The following TMEM178A variants were observed in gnomAD, a reference collection of about 807,000 sequenced individuals.
The protein encoded by TMEM178A is transmembrane protein 178A.
Under a neutral mutation model 29.1 loss-of-function variants are expected in TMEM178A, and 12 were observed. That is an observed-to-expected ratio of 0.41 (90% CI 0.26 to 0.67). The LOEUF (loss-of-function observed/expected upper bound fraction) is 0.67. Ranked by LOEUF, TMEM178A falls within the 30% of genes least tolerant of loss-of-function variation. TMEM178A has a pLI of 0.29. For synonymous variants in TMEM178A, 210 were observed against 187.2 expected (o/e 1.12, Z -0.99); for missense variants, 366 against 419.1 (o/e 0.87, Z 1.11).
At chr2:39,706,180 G>C (rs1030649354) in intron 2 of TMEM178A, among the ~76,000 whole-genome samples, 1 of 152,166 alleles carries the variant, frequency 6.6e-6, no homozygotes, top group Admixed American at 6.5e-5. Flanking sequence ...AGGCATGTGG[G>C]GAAAGAGCTG....
chr2:39,715,901 C>T (rs189938656), intron 3 of TMEM178A, among the ~76,000 whole-genome samples: 4 of 152,098 alleles, frequency 2.6e-5, no homozygotes, highest in Admixed American at 2.6e-4. Flanking sequence ...GGGTAGAGGG[C>T]GGGGAGCTTT....
At chr2:39,711,823 T>C (rs1672315087) in intron 3 of TMEM178A, among the ~76,000 whole-genome samples, 2 of 152,138 alleles carry the variant, frequency 1.3e-5, no homozygotes, top group African/African-American at 4.8e-5. Context: ...ACGGTGCATA[T>C]ATCCTGTGTT....
intron 3 of TMEM178A, among the ~76,000 whole-genome samples, chr2:39,712,588 A>G (rs968113769): frequency 2.6e-5 from 4 of 152,168 alleles, no homozygotes; most frequent in Non-Finnish European, 5.9e-5. Flanking sequence ...AGGGCTTGTC[A>G]GGAAACCAGT....
At chr2:39,725,270 GA>G in the TMEM178A span, among the ~76,000 whole-genome samples, 8 of 152,100 alleles carry the variant, frequency 5.3e-5, no homozygotes, top group Non-Finnish European at 1.0e-4. Context: ...AGATGAGTAA[GA>G]ATACAATGAG....
At chr2:39,681,605 A>G (rs924094728) in intron 1 of TMEM178A, among the ~76,000 whole-genome samples, 1 of 151,892 alleles carries the variant, frequency 6.6e-6, no homozygotes, top group Non-Finnish European at 1.5e-5. Context: ...ATTTTTTTTT[A>G]TTCTGTTGGG....
downstream of TMEM178A, among the ~76,000 whole-genome samples, chr2:39,718,396 G>T (rs1572702841): frequency 6.6e-6 from 1 of 152,270 alleles, no homozygotes; most frequent in East Asian, 1.9e-4. Flanking sequence ...CCTCACCCCA[G>T]ACCAATTAAC....
At chr2:39,684,523 T>A (rs1039421543) in intron 1 of TMEM178A, among the ~76,000 whole-genome samples, 4 of 152,250 alleles carry the variant, frequency 2.6e-5, no homozygotes, top group African/African-American at 9.6e-5. Context: ...TCATTTTTAA[T>A]ATCTGCAAAG....
At chr2:39,669,684 A>G (rs538290498) in intron 1 of TMEM178A, among the ~76,000 whole-genome samples, 1 of 152,348 alleles carries the variant, frequency 6.6e-6, no homozygotes, top group South Asian at 2.1e-4. Context: ...TTGCTATTCT[A>G]CCAGACTGAC....
the TMEM178A span, among the ~76,000 whole-genome samples, chr2:39,732,176 T>A: frequency 2.0e-4 from 30 of 152,194 alleles, no homozygotes; most frequent in Non-Finnish European, 4.1e-4. Context: ...GGAGGAGAAC[T>A]TCCCCACTTT....
intron 1 of TMEM178A, among the ~76,000 whole-genome samples, chr2:39,666,666 C>G (rs951575845): frequency 2.0e-5 from 3 of 152,188 alleles, no homozygotes; most frequent in Non-Finnish European, 4.4e-5. Context: ...GCCTCCCATT[C>G]CCCGGTTCTC....
At chr2:39,675,840 C>T (rs989936485) in intron 1 of TMEM178A, among the ~76,000 whole-genome samples, 9 of 152,040 alleles carry the variant, frequency 5.9e-5, no homozygotes, top group Non-Finnish European at 1.0e-4. Context: ...AGTGCAGTGG[C>T]GCGGTCATAC....
chr2:39,711,979 A>T (rs1429933035), intron 3 of TMEM178A, among the ~76,000 whole-genome samples: 1 of 151,664 alleles, frequency 6.6e-6, no homozygotes, highest in Non-Finnish European at 1.5e-5. Context: ...ATTTGCCACT[A>T]CAGAGATTGC....
chr2:39,703,732 G>C (rs1671897264), intron 1 of TMEM178A, among the ~76,000 whole-genome samples: 1 of 152,194 alleles, frequency 6.6e-6, no homozygotes, highest in Non-Finnish European at 1.5e-5. Flanking sequence ...GACTGGATCA[G>C]ATCCAGATGT....
chr2:39,687,214 T>C (rs1671118033), intron 1 of TMEM178A: 1 of 166,510 alleles, frequency 6.0e-6, no homozygotes, highest in Non-Finnish European at 1.5e-5. Flanking sequence ...TGGCTATTCA[T>C]ATTTTAGGGT....
intron 1 of TMEM178A, among the ~76,000 whole-genome samples, chr2:39,677,668 C>A (rs1670686213): frequency 6.6e-6 from 1 of 151,978 alleles, no homozygotes; most frequent in Non-Finnish European, 1.5e-5. Context: ...GTGGGATGGA[C>A]CCTGGTCATC....
chr2:39,696,449 C>T (rs1027118343), intron 1 of TMEM178A, among the ~76,000 whole-genome samples: 5 of 152,166 alleles, frequency 3.3e-5, no homozygotes, highest in Non-Finnish European at 7.3e-5. Flanking sequence ...CAGTGGGCCA[C>T]ACATCCTATG....
At position 39,707,158 on chromosome 2, in the gene TMEM178A, C is replaced by T. The variant is rs377174385; in HGVS notation, c.624C>T (p.His208=). The change falls in exon 3 of 4, where the codon CAC becomes CAT. Residue 208 remains histidine (H), a synonymous_variant. Coordinates refer to ENST00000281961, the MANE Select transcript of TMEM178A (RefSeq NM_152390.3). ...SFFWEESLTQ[H]VAGLLFLMTG... ...TCTGGGAGGAGAGCTTGACCCAGCACGTGGCTGGACTCCTGTTCCTCATGA... is the reference window on the plus strand; with the variant it reads ...TCTGGGAGGAGAGCTTGACCCAGCATGTGGCTGGACTCCTGTTCCTCATGA... 3.6e-5 allele frequency: 58 copies of T among 1,613,710 alleles called. 1 individual carries two copies. Among genetic ancestry groups the T allele is most frequent in the South Asian group, 7.7e-5 (7 of 91,020 alleles).
chr2:39,707,067 C>G lies in TMEM178A; in HGVS notation c.533C>G (p.Ala178Gly), dbSNP rs1397370717. Residue 178 changes from alanine to glycine, a missense_variant, in exon 3 of 4, where the codon GCT (alanine) becomes GGT (glycine). Ala to Gly is a moderately conservative substitution (Grantham distance 60). Around this residue, in one of 2 missense-constraint regions of TMEM178A, gnomAD observed 119 missense variants for 172.2 expected, o/e 0.69. Coordinates refer to ENST00000281961, the MANE Select transcript of TMEM178A (RefSeq NM_152390.3). ...WHLLHLRRIT[A>G]GFLGMAVAVL... ...AGATTAGATTTAAGAAGAATCACTG[C>G]TGGCTTCCTCGGCATGGCCGTAGCC... The G allele has an allele frequency of 6.2e-7, 1 of 1,610,916 alleles. No homozygotes were observed. Among genetic ancestry groups the G allele is most frequent in the Non-Finnish European group, 8.5e-7 (1 of 1,179,054 alleles).
chr2:39,684,224 A>T (rs1346564844), intron 1 of TMEM178A, among the ~76,000 whole-genome samples: 1 of 152,194 alleles, frequency 6.6e-6, no homozygotes, highest in Non-Finnish European at 1.5e-5. Flanking sequence ...ATCAAAATGT[A>T]AATTATTGCT....
Sources: gnomAD v4.1 joint callset for allele counts (sites outside exome capture counted in the v4.1 genomes callset) on GRCh38, gnomAD v4.1.1 for gene constraint, gnomAD v4.1.1 regional missense constraint, MANE v1.5 for transcripts, NCBI Gene and HGNC (gene_info 2026-07-23, HGNC 2026-07-21) for gene names.